The following PDZK1IP1 variants were observed in gnomAD, a reference collection of about 807,000 sequenced individuals.
PDZK1IP1 encodes the protein PDZK1 interacting protein 1, also known as PDZK1-interacting protein 1.
In PDZK1IP1, 9 loss-of-function variants were observed where a neutral mutation model predicts 14.7. The observed-to-expected ratio is 0.61, with a 90% CI of 0.37 to 1.07. PDZK1IP1 has a LOEUF of 1.07. PDZK1IP1 is among the 50% of genes least tolerant of loss of function. The pLI is 0.01. For synonymous variants in PDZK1IP1, 70 were observed against 61.2 expected (o/e 1.14, Z -0.67); for missense variants, 152 against 148.7 (o/e 1.02, Z -0.11).
intron 2 of PDZK1IP1, among the ~76,000 whole-genome samples, chr1:47,186,251 T>G (rs1360992511): frequency 6.7e-6 from 1 of 150,136 alleles, no homozygotes; most frequent in East Asian, 2.0e-4. Context: ...GAAGTTGCAG[T>G]GAGCCGAGAT....
At chr1:47,185,171 G>T in intron 2 of PDZK1IP1, 74 bp from the exon 3 acceptor site, 1 of 1,156,728 alleles carries the variant, frequency 8.6e-7, no homozygotes, top group Non-Finnish European at 1.3e-6. Flanking sequence ...TCTGGGTCCT[G>T]GTTCTCACAA....
At position 47,184,018 on chromosome 1, in the gene PDZK1IP1, C is replaced by T. The variant is rs1002923180; in HGVS notation, c.298G>A (p.Glu100Lys). 1 of 1,595,964 alleles carries T rather than the reference C, an allele frequency of 6.3e-7. No homozygotes were observed. The highest frequency in any genetic ancestry group is 8.5e-7 in the Non-Finnish European group (1 of 1,170,168). ...FRSSEHENAY[E>K]NVPEEEGKVR... ...TTGCCTTCCTCCTCGGGCACATTCT[C>T]ATAGGCATTCTCATGCTCACTGGAC... The change falls in exon 4 of 4, where the codon GAG becomes AAG. Residue 100 changes from glutamate (E) to lysine (K), a missense_variant. Physicochemically the swap from Glu to Lys is moderately conservative, Grantham distance 56 (BLOSUM62 1). Transcript: ENST00000294338.
At chr1:47,187,205 C>A (rs796304378) in intron 2 of PDZK1IP1, 114 bp downstream of exon 2, 1 of 82,168 alleles carries the variant, frequency 1.2e-5, no homozygotes. Context: ...TTCCCTTGAG[C>A]CTCAGGGGGA....
chr1:47,187,247 C>T (rs1569854101), intron 2 of PDZK1IP1, 72 bp downstream of exon 2: 1 of 1,056,794 alleles, frequency 9.5e-7, no homozygotes, highest in Non-Finnish European at 1.5e-6. Context: ...AGGCCCTTCT[C>T]ACTGCTACTA....
chr1:47,187,061 C>T (rs1257731529), intron 2 of PDZK1IP1, among the ~76,000 whole-genome samples: 1 of 152,208 alleles, frequency 6.6e-6, no homozygotes, highest in African/African-American at 2.4e-5. Flanking sequence ...GCCGTTTCCC[C>T]AAAACTCACA....
At chr1:47,185,336 T>C (rs1261062692) in intron 2 of PDZK1IP1, 1 of 487,376 alleles carries the variant, frequency 2.1e-6, no homozygotes, top group African/African-American at 2.0e-5. Flanking sequence ...CCAAAGCCTC[T>C]CTCTGTCCCA....
chr1:47,184,030 C>T lies in PDZK1IP1; in HGVS notation c.286G>A (p.Glu96Lys), dbSNP rs559430062. 1.9e-6 allele frequency: 3 copies of T among 1,592,316 alleles called. No individual in the cohort carries two copies. Among genetic ancestry groups the T allele is most frequent in the Middle Eastern group, 1.7e-4 (1 of 6,032 alleles). Reference protein sequence around the residue: ...MAASFRSSEHENAYENVPEEE... With the variant: ...MAASFRSSEHKNAYENVPEEE... The stretch of plus-strand genomic sequence containing the variant: ...TCGGGCACATTCTCATAGGCATTCT[C>T]ATGCTCACTGGACCTGAAAGAAGAA... Residue 96 changes from glutamate to lysine, a missense_variant, in exon 4 of 4, where the codon GAG becomes AAG. Coordinates refer to ENST00000294338, the MANE Select transcript of PDZK1IP1 (RefSeq NM_005764.4).
rs191581058 is a variant in PDZK1IP1, at chr1:47,183,981, G to A, written c.335C>T (p.Thr112Ile). The A allele has an allele frequency of 6.3e-7, 1 of 1,596,946 alleles. No homozygotes were observed. The highest frequency in any genetic ancestry group is 1.3e-5 in the African/African-American group (1 of 74,784). Reference protein sequence around the residue: ...VPEEEGKVRSTPM With the variant: ...VPEEEGKVRSIPM Reference sequence around the variant, plus strand: ...GAGCCACAGAGAAGGTTACATCGGGGTGCTGCGGACCTTGCCTTCCTCCTC... The same window carrying A: ...GAGCCACAGAGAAGGTTACATCGGGATGCTGCGGACCTTGCCTTCCTCCTC... The change falls in exon 4 of 4, where the codon ACC (threonine) becomes ATC (isoleucine). Residue 112 changes from threonine (T) to isoleucine (I), a missense_variant. Coordinates refer to ENST00000294338, the MANE Select transcript of PDZK1IP1 (RefSeq NM_005764.4).
intron 2 of PDZK1IP1, among the ~76,000 whole-genome samples, chr1:47,186,549 T>C (rs562954533): frequency 6.6e-6 from 1 of 152,288 alleles, no homozygotes; most frequent in African/African-American, 2.4e-5. Flanking sequence ...TGGGAAGAAA[T>C]GCCCCTGGGA....
At position 47,190,020 on chromosome 1, in the gene PDZK1IP1, C is replaced by T. The variant is rs1211113568; in HGVS notation, c.-88G>A. On this transcript the variant is annotated 5_prime_UTR_variant, in exon 1 of 4. Transcript: ENST00000294338. ...GAGTCTATTGGTGTCCGCCTGAAAT[C>T]AACCTGGGCTCAGTCTGGCCCTGGA... 1 of 1,053,158 alleles carries T rather than the reference C, an allele frequency of 9.5e-7. No homozygotes were observed. The highest frequency in any genetic ancestry group is 1.3e-6 in the Non-Finnish European group (1 of 753,100). The allele number at this position is 1,053,158 out of a possible 1,614,324, so 65.2% of individuals were successfully genotyped here.
intron 2 of PDZK1IP1, among the ~76,000 whole-genome samples, chr1:47,185,696 C>T (rs1212499597): frequency 2.0e-5 from 3 of 152,284 alleles, no homozygotes; most frequent in Non-Finnish European, 4.4e-5. Context: ...TCTGCTCATC[C>T]TCCTGTGTTC....
intron 2 of PDZK1IP1, among the ~76,000 whole-genome samples, chr1:47,185,809 A>G (rs911988995): frequency 1.3e-5 from 2 of 151,010 alleles, no homozygotes; most frequent in African/African-American, 4.9e-5. Context: ...CAGGGTGCCC[A>G]CCTCCTAGAC....
intron 3 of PDZK1IP1, among the ~76,000 whole-genome samples, chr1:47,184,355 CCAACTGAGT>C (rs2148571978): frequency 8.0e-6 from 1 of 125,008 alleles, no homozygotes; most frequent in Admixed American, 7.9e-5. Flanking sequence ...AGCTCCATCC[CCAACTGAGT>C]CCATCCCCAC....
chr1:47,184,941 G>T, intron 3 of PDZK1IP1, 61 bp downstream of exon 3: 1 of 1,360,226 alleles, frequency 7.4e-7, no homozygotes, highest in Non-Finnish European at 1.1e-6. Context: ...AGCAGCACCT[G>T]TCTTGAGATT....
At chr1:47,184,595 GTCCACACCCCAGTGAA>G (rs1645307619) in intron 3 of PDZK1IP1, among the ~76,000 whole-genome samples, 1 of 5,882 alleles carries the variant, frequency 1.7e-4, no homozygotes, top group Non-Finnish European at 2.9e-4. Context: ...ACCCCACTGA[GTCCACACCCCAGTGAA>G]CCCATCCCCC....
chr1:47,189,362 C>T (rs933270426), intron 1 of PDZK1IP1, among the ~76,000 whole-genome samples: 1 of 152,216 alleles, frequency 6.6e-6, no homozygotes, highest in African/African-American at 2.4e-5. Context: ...TTATTGTTCT[C>T]ATTTTATAGG....
intron 2 of PDZK1IP1, among the ~76,000 whole-genome samples, chr1:47,186,203 G>T (rs1645318987): frequency 6.6e-6 from 1 of 152,034 alleles, no homozygotes; most frequent in South Asian, 2.1e-4. Context: ...AGCTACTCGG[G>T]AGGCTGGGGC....
In PDZK1IP1 at chr1:47,183,691, C is replaced by T. The variant is rs527287634; in HGVS notation, c.*280G>A. 5.9e-5 allele frequency: 28 copies of T among 473,092 alleles called. No individual in the cohort carries two copies. Among genetic ancestry groups the T allele is most frequent in the South Asian group, 3.2e-4 (8 of 25,354 alleles). 29.3% of individuals were successfully genotyped at this position (473,092 alleles called of 1,614,324 possible). A position where few individuals can be genotyped will look rare whatever the true frequency, so the allele number is the denominator to read the frequency against. On this transcript the variant is annotated 3_prime_UTR_variant, in exon 4 of 4. Transcript: ENST00000294338. ...CCATTTCCATAGTTATGGGGAAGGA[C>T]GTGTGAGCAGGATGGGAGGTGCTCA...
rs1238567539 is a variant in PDZK1IP1 at position 47,185,055 on chromosome 1, A to T, written c.219T>A (p.Asp73Glu). The T allele has an allele frequency of 6.2e-7, 1 of 1,613,438 alleles. No homozygotes were observed. ...HMILTVGNKA[D>E]GVLVGTDGRY... ...TTCCATCTGTTCCCACCAGGACTCC[A>T]TCTGCCTTGTTTCCGACGGTCAGGA... The change falls in exon 3 of 4, where the codon GAT becomes GAA. Residue 73 changes from aspartate to glutamate, a missense_variant. Transcript: ENST00000294338.
Sources: gnomAD v4.1 joint callset for allele counts (sites outside exome capture counted in the v4.1 genomes callset) on GRCh38, gnomAD v4.1.1 for gene constraint, MANE v1.5 for transcripts, NCBI Gene and HGNC (gene_info 2026-07-23, HGNC 2026-07-21) for gene names.